The following POLK variants were observed in gnomAD, a reference collection of about 807,000 sequenced individuals.
POLK encodes polymerase (DNA directed) kappa.
POLK carries 76 observed loss-of-function variants against 94.0 expected under a neutral mutation model. The observed-to-expected ratio is 0.81, with a 90% CI of 0.67 to 0.98. The LOEUF is 0.98. POLK is among the 50% of genes least tolerant of loss of function. The probability of loss-of-function intolerance (pLI) is 0.00; values close to 1 mark genes in which losing one functional copy is unlikely to be tolerated. For synonymous variants in POLK, 349 were observed against 325.4 expected (o/e 1.07, Z -0.78); for missense variants, 954 against 1,010.1 (o/e 0.94, Z 0.75).
chr5:75,556,748 T>C (rs1770642301), intron 3 of POLK, among the ~76,000 whole-genome samples: 1 of 151,824 alleles, frequency 6.6e-6, no homozygotes, highest in Non-Finnish European at 1.5e-5. Flanking sequence ...TATCCAATTG[T>C]TCCAGCACAA....
At chr5:75,593,241 C>T (rs1049928340) in intron 11 of POLK, among the ~76,000 whole-genome samples, 2 of 152,060 alleles carry the variant, frequency 1.3e-5, no homozygotes, top group African/African-American at 4.8e-5. Context: ...AATCTATTCT[C>T]CTGCCTCAGC....
intron 8 of POLK, among the ~76,000 whole-genome samples, chr5:75,584,412 T>C (rs573419758): frequency 5.9e-5 from 9 of 152,246 alleles, no homozygotes; most frequent in African/African-American, 2.2e-4. Flanking sequence ...TGATAAAAGA[T>C]ATAATGAGCA....
At chr5:75,609,862 G>T in the POLK span, 17 of 152,012 alleles carry the variant, frequency 1.1e-4, no homozygotes, top group African/African-American at 3.9e-4. Flanking sequence ...CTCAAATTTG[G>T]TGCACAATAA....
chr5:75,526,435 A>G (rs1224740569), intron 1 of POLK, among the ~76,000 whole-genome samples: 2 of 152,054 alleles, frequency 1.3e-5, no homozygotes, highest in African/African-American at 2.4e-5. Context: ...ATTAAACTTT[A>G]TCCAATCATT....
chr5:75,558,235 G>GTT (rs200403831), intron 3 of POLK, among the ~76,000 whole-genome samples: 1 of 134,198 alleles, frequency 7.5e-6, no homozygotes, highest in East Asian at 2.1e-4. Flanking sequence ...TTTTGTTGTT[G>GTT]TTTTTTTTTT....
intron 1 of POLK, among the ~76,000 whole-genome samples, chr5:75,517,164 T>C (rs1241586582): frequency 6.6e-6 from 1 of 151,280 alleles, no homozygotes; most frequent in Non-Finnish European, 1.5e-5. Context: ...TAGGATTCTT[T>C]TTCTATTTCT....
At chr5:75,515,733 C>T (rs963705327) in intron 1 of POLK, among the ~76,000 whole-genome samples, 3 of 152,116 alleles carry the variant, frequency 2.0e-5, no homozygotes, top group Admixed American at 2.0e-4. Flanking sequence ...AACAGTGTAG[C>T]AGGGTTCCCC....
At chr5:75,574,932 G>C (rs1423249212) in intron 5 of POLK, among the ~76,000 whole-genome samples, 1 of 152,164 alleles carries the variant, frequency 6.6e-6, no homozygotes, top group African/African-American at 2.4e-5. Context: ...AGTAAGAAAA[G>C]GTATTTTTTA....
At chr5:75,564,852 ATGTG>A (rs1175728818) in intron 3 of POLK, among the ~76,000 whole-genome samples, 5 of 152,064 alleles carry the variant, frequency 3.3e-5, no homozygotes, top group African/African-American at 1.2e-4. Context: ...TCTGATGATT[ATGTG>A]TCTTGGGGTT....
At chr5:75,587,158 T>C (rs1182342777) in intron 10 of POLK, 100 bp downstream of exon 10, 1 of 727,892 alleles carries the variant, frequency 1.4e-6, no homozygotes, top group Non-Finnish European at 2.3e-6. Flanking sequence ...AAGAAATCTA[T>C]TTGCAAATTA....
intron 3 of POLK, among the ~76,000 whole-genome samples, chr5:75,567,377 G>A (rs1771334963): frequency 6.6e-6 from 1 of 152,094 alleles, no homozygotes; most frequent in Non-Finnish European, 1.5e-5. Context: ...TGGTCATGGT[G>A]CTATTCTCTG....
intron 1 of POLK, among the ~76,000 whole-genome samples, chr5:75,525,015 T>C (rs994132858): frequency 6.6e-6 from 1 of 152,200 alleles, no homozygotes; most frequent in African/African-American, 2.4e-5. Flanking sequence ...GAGTTTTCAG[T>C]TAGAATTTAT....
At chr5:75,552,676 CAA>C in intron 3 of POLK, 85 bp downstream of exon 3, 4 of 1,258,700 alleles carry the variant, frequency 3.2e-6, no homozygotes, top group Non-Finnish European at 4.4e-6. Context: ...TAACTGAAAA[CAA>C]GATGAAATGT....
At chr5:75,608,793 G>A in the POLK span, 3 of 152,218 alleles carry the variant, frequency 2.0e-5, no homozygotes, top group African/African-American at 7.2e-5. Flanking sequence ...GAAGCTGATG[G>A]CTCTCCACCA....
At position 75,584,748 on chromosome 5, in the gene POLK, AT is replaced by A; in HGVS notation, c.1060-10del. ...TAAAATCTATTAATAATAAATATTG[AT>A]TCTTTTCTAGGTTTCTGGAATAGGA... On this transcript the variant is annotated splice_polypyrimidine_tract_variant and intron_variant, in intron 8 of 14. Coordinates refer to ENST00000241436, the Ensembl canonical transcript of POLK. 1.4e-6 allele frequency: 2 copies of A among 1,409,300 alleles called. No individual in the cohort carries two copies. The highest frequency in any genetic ancestry group is 1.9e-6 in the Non-Finnish European group (2 of 1,029,148). 87.3% of individuals were successfully genotyped at this position (1,409,300 alleles called of 1,614,324 possible).
At chr5:75,516,253 C>T (rs749282012) in intron 1 of POLK, among the ~76,000 whole-genome samples, 7 of 152,086 alleles carry the variant, frequency 4.6e-5, no homozygotes, top group Non-Finnish European at 7.3e-5. Context: ...TCTACGTTTG[C>T]TTTGGTTGTC....
intron 1 of POLK, among the ~76,000 whole-genome samples, chr5:75,522,532 A>C (rs1433626884): frequency 6.6e-6 from 1 of 152,242 alleles, no homozygotes; most frequent in Non-Finnish European, 1.5e-5. Context: ...AAGACTGCAA[A>C]AATGAGGTTT....
In POLK at chr5:75,590,498, C is replaced by T. The variant is rs761866089; in HGVS notation, c.1356+58C>T. ...TAAGTTTTTTAATAGTAAAATGCTA[C>T]CTTAAAAGCTAGAGTTAGATTACAC... On this transcript the variant is annotated intron_variant, in intron 11 of 14. Coordinates refer to ENST00000241436, the Ensembl canonical transcript of POLK. 1.3e-5 allele frequency: 12 copies of T among 917,874 alleles called. No individual in the cohort carries two copies. The Admixed American group carries it at 2.2e-4, about 17-fold the overall frequency. 56.9% of individuals were successfully genotyped at this position (917,874 alleles called of 1,614,324 possible).
At chr5:75,513,194 T>C (rs1768154099) in intron 1 of POLK, among the ~76,000 whole-genome samples, 1 of 152,260 alleles carries the variant, frequency 6.6e-6, no homozygotes, top group Non-Finnish European at 1.5e-5. Context: ...TTATCTTGCT[T>C]TCTTTTACTT....
Sources: gnomAD v4.1 joint callset for allele counts (sites outside exome capture counted in the v4.1 genomes callset) on GRCh38, gnomAD v4.1.1 for gene constraint, MANE v1.5 for transcripts, NCBI Gene and HGNC (gene_info 2026-07-23, HGNC 2026-07-21) for gene names.